The following CAMK2D variants were observed in gnomAD, a reference collection of about 807,000 sequenced individuals.
CAMK2D encodes the protein calcium/calmodulin dependent protein kinase II delta, also known as calcium/calmodulin-dependent protein kinase type II subunit delta.
Under a neutral mutation model 84.0 loss-of-function variants are expected in CAMK2D, and 37 were observed. The observed-to-expected ratio is 0.44, with a 90% CI of 0.34 to 0.58. The LOEUF is 0.58. Among genes scored for constraint, CAMK2D ranks in the 20% least tolerant of loss-of-function variants. The probability of loss-of-function intolerance (pLI) is 0.02; values close to 1 mark genes in which losing one functional copy is unlikely to be tolerated. For missense variants in CAMK2D, 448 were observed against 652.5 expected, an observed-to-expected ratio of 0.69 and a Z score of 3.41; for synonymous variants, 202 against 212.5, an observed-to-expected ratio of 0.95 and a Z score of 0.43.
intron 2 of CAMK2D, among the ~76,000 whole-genome samples, chr4:113,665,113 C>A (rs960735595): frequency 3.9e-5 from 6 of 152,208 alleles, no homozygotes; most frequent in African/African-American, 1.4e-4. Context: ...CCACAGTAGA[C>A]TTTATAACAA....
chr4:113,596,699 T>A (rs565170917), intron 4 of CAMK2D, among the ~76,000 whole-genome samples: 1 of 152,166 alleles, frequency 6.6e-6, no homozygotes, highest in Non-Finnish European at 1.5e-5. Context: ...TAGATCTCAA[T>A]GCCAGGCTTA....
chr4:113,497,258 T>C (rs1163412093), intron 16 of CAMK2D, among the ~76,000 whole-genome samples: 2 of 152,180 alleles, frequency 1.3e-5, no homozygotes, highest in East Asian at 3.8e-4. Flanking sequence ...ATTTTGACTC[T>C]GGTGCATTCA....
chr4:113,483,509 G>A (rs1482077213), intron 16 of CAMK2D, among the ~76,000 whole-genome samples: 1 of 151,726 alleles, frequency 6.6e-6, no homozygotes, highest in Admixed American at 6.6e-5. Context: ...GGGTTCAAGC[G>A]ATTCTCTTGC....
chr4:113,654,543 A>G (rs139096259), intron 3 of CAMK2D, among the ~76,000 whole-genome samples: 41 of 152,110 alleles, frequency 2.7e-4, no homozygotes, highest in Middle Eastern at 3.4e-3. Context: ...GTTAATGTTT[A>G]TCTTATGTGA....
intron 3 of CAMK2D, among the ~76,000 whole-genome samples, chr4:113,621,862 C>A (rs555838520): frequency 2.0e-5 from 3 of 152,160 alleles, no homozygotes. Context: ...TCATTATCCA[C>A]GCCCAGGGAA....
At chr4:113,616,723 G>C (rs1471983944) in intron 3 of CAMK2D, among the ~76,000 whole-genome samples, 1 of 152,106 alleles carries the variant, frequency 6.6e-6, no homozygotes, top group Non-Finnish European at 1.5e-5. Flanking sequence ...TAGAAGCTCA[G>C]AGAAGACTAA....
chr4:113,469,372 T>G (rs1407646818), intron 16 of CAMK2D, among the ~76,000 whole-genome samples: 10 of 152,264 alleles, frequency 6.6e-5, no homozygotes, highest in Non-Finnish European at 1.0e-4. Context: ...CTTGGAACAC[T>G]CTCCTTTTAC....
chr4:113,484,802 CATT>C (rs754846913), intron 16 of CAMK2D, among the ~76,000 whole-genome samples: 35 of 152,098 alleles, frequency 2.3e-4, no homozygotes, highest in Non-Finnish European at 4.1e-4. Context: ...CATCTTTCCT[CATT>C]ATTTAGGACC....
intron 16 of CAMK2D, among the ~76,000 whole-genome samples, chr4:113,483,811 C>T (rs544979389): frequency 1.3e-5 from 2 of 152,050 alleles, no homozygotes; most frequent in African/African-American, 4.8e-5. Flanking sequence ...AATGAGAAAA[C>T]AGTAAAAGGT....
At chr4:113,560,008 G>C (rs759192351) in intron 4 of CAMK2D, among the ~76,000 whole-genome samples, 2 of 152,152 alleles carry the variant, frequency 1.3e-5, no homozygotes, top group Non-Finnish European at 2.9e-5. Flanking sequence ...CAGACAAGAA[G>C]AGATTCTATC....
At chr4:113,600,478 T>A (rs1031386250) in intron 4 of CAMK2D, among the ~76,000 whole-genome samples, 1 of 152,138 alleles carries the variant, frequency 6.6e-6, no homozygotes, top group Admixed American at 6.6e-5. Flanking sequence ...AAATATAAAG[T>A]TTATTAGAAG....
chr4:113,458,318 G>C (rs570652138), intron 18 of CAMK2D, among the ~76,000 whole-genome samples: 2 of 152,260 alleles, frequency 1.3e-5, no homozygotes, highest in African/African-American at 4.8e-5. Context: ...CAAGAGATAC[G>C]AGGAGGATTT....
chr4:113,561,877 T>C (rs2098700255), intron 4 of CAMK2D, among the ~76,000 whole-genome samples: 1 of 152,240 alleles, frequency 6.6e-6, no homozygotes, highest in Non-Finnish European at 1.5e-5. Context: ...TCTGTTGCCA[T>C]GTACTACACA....
At chr4:113,680,241 G>T (rs2099338538) in intron 2 of CAMK2D, among the ~76,000 whole-genome samples, 1 of 152,164 alleles carries the variant, frequency 6.6e-6, no homozygotes, top group African/African-American at 2.4e-5. Context: ...GATTTTATCA[G>T]ATCTGGAAAG....
intron 3 of CAMK2D, among the ~76,000 whole-genome samples, chr4:113,654,443 C>T (rs1017116844): frequency 1.3e-5 from 2 of 151,874 alleles, no homozygotes; most frequent in Non-Finnish European, 2.9e-5. Flanking sequence ...GGTTCTATAC[C>T]AGGGCTAATA....
At chr4:113,494,493 C>G (rs901075492) in intron 16 of CAMK2D, among the ~76,000 whole-genome samples, 1 of 152,210 alleles carries the variant, frequency 6.6e-6, no homozygotes, top group Non-Finnish European at 1.5e-5. Context: ...GGCAGTCTGC[C>G]TGTTCTCAGA....
intron 3 of CAMK2D, among the ~76,000 whole-genome samples, chr4:113,625,698 A>T (rs1182925241): frequency 6.6e-6 from 1 of 152,098 alleles, no homozygotes; most frequent in Non-Finnish European, 1.5e-5. Context: ...GGTTATACAG[A>T]GCCTTGGAGT....
intron 8 of CAMK2D, among the ~76,000 whole-genome samples, chr4:113,527,177 A>G (rs1590749651): frequency 6.6e-6 from 1 of 152,092 alleles, no homozygotes; most frequent in Non-Finnish European, 1.5e-5. Context: ...GTCAACAGCC[A>G]TCAACACTGA....
chr4:113,601,316 G>T (rs545501363), intron 4 of CAMK2D, among the ~76,000 whole-genome samples: 2 of 152,114 alleles, frequency 1.3e-5, no homozygotes, highest in East Asian at 3.9e-4. Flanking sequence ...CTATTAAAAG[G>T]ACAGAATGTC....
Sources: allele counts gnomAD v4.1 joint callset (sites outside exome capture counted in the v4.1 genomes callset), GRCh38; gene constraint gnomAD v4.1.1; transcripts MANE v1.5; gene names NCBI Gene and HGNC (gene_info 2026-07-23, HGNC 2026-07-21).